The following SLC14A2 variants were observed in gnomAD, a reference collection of about 807,000 sequenced individuals.
SLC14A2 encodes the protein urea transporter 2.
SLC14A2 carries 91 observed loss-of-function variants against 104.6 expected under a neutral mutation model. The ratio of observed to expected loss-of-function variants is 0.87; its 90% CI spans 0.73 to 1.04. The LOEUF (loss-of-function observed/expected upper bound fraction) is 1.04. SLC14A2 is among the 50% of genes least tolerant of loss of function. The pLI, the probability that SLC14A2 is intolerant of heterozygous loss-of-function variation, is 0.00. For missense variants in SLC14A2, 1,189 were observed against 1,156.0 expected, an observed-to-expected ratio of 1.03 and a Z score of -0.41; for synonymous variants, 476 against 466.4, an observed-to-expected ratio of 1.02 and a Z score of -0.27.
intron 1 of SLC14A2, among the ~76,000 whole-genome samples, chr18:45,455,384 C>G (rs1410376301): frequency 1.3e-5 from 2 of 151,928 alleles, no homozygotes; most frequent in African/African-American, 4.8e-5. Context: ...TCTCAGCAAA[C>G]AACACAGGAA....
intron 1 of SLC14A2, among the ~76,000 whole-genome samples, chr18:45,312,510 C>G (rs2085089095): frequency 6.6e-6 from 1 of 152,066 alleles, no homozygotes; most frequent in African/African-American, 2.4e-5. Context: ...CTTCAGAAAA[C>G]CTAGCCAAAT....
upstream of SLC14A2, among the ~76,000 whole-genome samples, chr18:45,610,545 C>G (rs1460266178): frequency 6.6e-6 from 1 of 152,122 alleles, no homozygotes; most frequent in East Asian, 1.9e-4. Flanking sequence ...AAGGAGTGTT[C>G]ACATCCACTG....
In SLC14A2 at chr18:45,400,822, T is replaced by C. The variant is rs142389589; in HGVS notation, c.-124-82411T>C. Among the ~76,000 whole-genome samples the C allele has an allele frequency of 2.6e-5, 4 of 152,362 alleles. No homozygotes were observed. The East Asian group carries it at 7.7e-4, about 29-fold the overall frequency. ...TGCTTACTCATGGATTTCCCTTTTA[T>C]TCAATGGATCATAACTTGTTTCTAT... On this transcript the variant is annotated intron_variant, in intron 1 of 20. Transcript: ENST00000586448.
chr18:45,230,064 A>C (rs1246123133), intron 1 of SLC14A2, among the ~76,000 whole-genome samples: 1 of 152,222 alleles, frequency 6.6e-6, no homozygotes, highest in African/African-American at 2.4e-5. Flanking sequence ...TATGGTAAAC[A>C]CTATTTGAGG....
rs2086244328 is a variant in SLC14A2, at chr18:45,414,193, A to G, written c.-124-69040A>G. 2.0e-5 allele frequency among the ~76,000 whole-genome samples: 3 copies of G among 152,190 alleles called. No homozygotes were observed. In the South Asian group the frequency reaches 6.2e-4, roughly 32 times the overall value. On this transcript the variant is annotated intron_variant, in intron 1 of 20. Transcript: ENST00000586448. ...TCATATGGGTGGTGAATGAGCTTTG[A>G]CCTGGCCAAGAGAAAAGTGTGCCAC...
intron 1 of SLC14A2, among the ~76,000 whole-genome samples, chr18:45,283,891 G>C (rs1469024937): frequency 6.6e-6 from 1 of 152,174 alleles, no homozygotes; most frequent in African/African-American, 2.4e-5. Flanking sequence ...TGTGACTACA[G>C]AGAAATGTCT....
At chr18:45,326,089 G>A (rs773476413) in intron 1 of SLC14A2, among the ~76,000 whole-genome samples, 5 of 152,282 alleles carry the variant, frequency 3.3e-5, no homozygotes, top group African/African-American at 4.8e-5. Flanking sequence ...ATTTCTAGCT[G>A]GATGGCCTCT....
intron 2 of SLC14A2, among the ~76,000 whole-genome samples, chr18:45,549,228 G>A (rs1484580218): frequency 6.6e-6 from 1 of 152,272 alleles, no homozygotes. Flanking sequence ...GTCCATCAAT[G>A]CTCTGCCTTC....
intron 1 of SLC14A2, among the ~76,000 whole-genome samples, chr18:45,222,100 T>A (rs187532406): frequency 9.2e-5 from 14 of 152,314 alleles, no homozygotes; most frequent in Admixed American, 8.5e-4. Context: ...TTCCCATAGC[T>A]TGAGTACAGA....
At chr18:45,472,384 A>G (rs886340878) in intron 1 of SLC14A2, among the ~76,000 whole-genome samples, 1 of 152,224 alleles carries the variant, frequency 6.6e-6, no homozygotes, top group Non-Finnish European at 1.5e-5. Context: ...TCCTTTCGGT[A>G]TATACCCAGT....
At chr18:45,645,941 G>A (rs1483763709) in intron 10 of SLC14A2, among the ~76,000 whole-genome samples, 4 of 152,084 alleles carry the variant, frequency 2.6e-5, no homozygotes, top group African/African-American at 7.2e-5. Flanking sequence ...CAAGTCCCTT[G>A]CGACATAGCA....
At chr18:45,341,737 T>G (rs2144284763) in intron 1 of SLC14A2, among the ~76,000 whole-genome samples, 1 of 151,108 alleles carries the variant, frequency 6.6e-6, no homozygotes, top group South Asian at 2.1e-4. Flanking sequence ...GAACTATAGG[T>G]GCCACCACAC....
chr18:45,468,659 C>T (rs2087188293), intron 1 of SLC14A2, among the ~76,000 whole-genome samples: 1 of 151,852 alleles, frequency 6.6e-6, no homozygotes, highest in Non-Finnish European at 1.5e-5. Context: ...AATTAATTAG[C>T]CTAGCTGAAT....
At chr18:45,569,756 C>T (rs2044320496) in intron 2 of SLC14A2, among the ~76,000 whole-genome samples, 1 of 152,292 alleles carries the variant, frequency 6.6e-6, no homozygotes, top group South Asian at 2.1e-4. Flanking sequence ...ACACCGATAA[C>T]CACTCCAAAT....
chr18:45,279,014 C>T (rs1400942990), intron 1 of SLC14A2, among the ~76,000 whole-genome samples: 1 of 152,188 alleles, frequency 6.6e-6, no homozygotes. Flanking sequence ...TAATAAGTAA[C>T]TTGACCAAGG....
intron 1 of SLC14A2, among the ~76,000 whole-genome samples, chr18:45,354,340 C>T (rs2085530888): frequency 6.6e-6 from 1 of 152,154 alleles, no homozygotes; most frequent in Non-Finnish European, 1.5e-5. Context: ...TTCTGAGAGA[C>T]CTTGAGAAAT....
At chr18:45,378,218 G>A in intron 1 of SLC14A2, among the ~76,000 whole-genome samples, 1 of 116,828 alleles carries the variant, frequency 8.6e-6, no homozygotes, top group South Asian at 2.8e-4. Flanking sequence ...GGAGTATTTA[G>A]CATAGTGTAA....
At chr18:45,661,058 G>T (rs2045928282) in intron 10 of SLC14A2, among the ~76,000 whole-genome samples, 1 of 152,164 alleles carries the variant, frequency 6.6e-6, no homozygotes, top group Non-Finnish European at 1.5e-5. Flanking sequence ...GATTTTTGCA[G>T]CTGGGCCATC....
At chr18:45,430,657 G>A (rs971931134) in intron 1 of SLC14A2, among the ~76,000 whole-genome samples, 1 of 151,842 alleles carries the variant, frequency 6.6e-6, no homozygotes, top group Non-Finnish European at 1.5e-5. Context: ...CTCAGTGCAA[G>A]CTCCACCTCC....
Sources: allele counts gnomAD v4.1 joint callset (sites outside exome capture counted in the v4.1 genomes callset), GRCh38; gene constraint gnomAD v4.1.1; transcripts MANE v1.5; gene names NCBI Gene and HGNC (gene_info 2026-07-23, HGNC 2026-07-21).